The following ANK2 variants were observed in gnomAD, a reference collection of about 807,000 sequenced individuals.
ANK2 encodes the protein ankyrin-2.
In ANK2, 83 loss-of-function variants were observed where a neutral mutation model predicts 360.5. The observed-to-expected ratio is 0.23, with a 90% CI of 0.19 to 0.28. ANK2 has a LOEUF of 0.28. ANK2 is among the 10% of genes least tolerant of loss of function. The pLI is 1.00. For missense variants in ANK2, 4,201 were observed against 4,795.7 expected (o/e 0.88, Z 3.66); for synonymous variants, 1,740 against 1,759.5 (o/e 0.99, Z 0.28).
At chr4:113,010,589 C>G (rs564095390) in intron 2 of ANK2, among the ~76,000 whole-genome samples, 30 of 152,064 alleles carry the variant, frequency 2.0e-4, no homozygotes, top group African/African-American at 7.0e-4. Context: ...AATAAAGAAA[C>G]AAATGAGACC....
At chr4:113,082,139 A>G (rs67235248) in intron 1 of ANK2, among the ~76,000 whole-genome samples, 28,219 of 152,134 alleles carry the variant, frequency 0.19, 3,466 homozygotes, top group Non-Finnish European at 0.28. Context: ...AATTAGTTCT[A>G]TTAATAAGAT....
At chr4:112,784,350 ATTTTTTTTTT>A in the ANK2 span, among the ~76,000 whole-genome samples, 7 of 69,554 alleles carry the variant, frequency 1.0e-4, no homozygotes, top group Middle Eastern at 9.8e-3. Flanking sequence ...ACCCTGACTG[ATTTTTTTTTT>A]TTTTTTTTTT....
chr4:112,706,117 A>G, the ANK2 span, among the ~76,000 whole-genome samples: 1 of 151,368 alleles, frequency 6.6e-6, no homozygotes, highest in Non-Finnish European at 1.5e-5. Flanking sequence ...CGGGCGTGAC[A>G]GGAGGAAGAA....
intron 2 of ANK2, among the ~76,000 whole-genome samples, chr4:113,186,581 TCTCTCTTCTC>T (rs1182550678): frequency 3.1e-4 from 18 of 58,100 alleles, no homozygotes; most frequent in South Asian, 1.5e-3. Context: ...TCTCTCTCTC[TCTCTCTTCTC>T]TCTCTCTCTC....
the ANK2 span, among the ~76,000 whole-genome samples, chr4:112,751,435 C>G: frequency 6.6e-6 from 1 of 152,192 alleles, no homozygotes; most frequent in Non-Finnish European, 1.5e-5. Flanking sequence ...TGAGGTTAGA[C>G]TAAAAGGCGA....
intron 1 of ANK2, among the ~76,000 whole-genome samples, chr4:113,151,880 CAT>C (rs1195237918): frequency 1.5e-5 from 2 of 132,160 alleles, no homozygotes; most frequent in Non-Finnish European, 3.2e-5. Context: ...CCCTGGGAAA[CAT>C]AGTGAAACCC....
rs565409462 is a variant in ANK2 at position 112,832,574 on chromosome 4, A to T, written c.-40+14310A>T. 7.9e-5 allele frequency among the ~76,000 whole-genome samples: 12 copies of T among 152,354 alleles called. No individual in the cohort carries two copies. In the South Asian group the frequency reaches 2.5e-3, roughly 32 times the overall value. ...CCATTCAAATTGTAAAGTTATTTGT[A>T]GAGTAGTGCTGCAGAATTGTAAATG... On this transcript the variant is annotated intron_variant, in intron 1 of 30. Coordinates refer to the ANK2 transcript ENST00000503271.
intron 2 of ANK2, among the ~76,000 whole-genome samples, chr4:113,182,064 G>A (rs28582963): frequency 0.49 from 74,451 of 151,900 alleles, 18,917 homozygotes; most frequent in African/African-American, 0.63. Flanking sequence ...TTACAGTAGA[G>A]CAACAGGCAG....
chr4:113,252,908 G>T lies in ANK2; in HGVS notation c.991-2827G>T, dbSNP rs146664563. Among the ~76,000 whole-genome samples, 202 of 152,296 alleles carry T rather than the reference G, an allele frequency of 1.3e-3. 1 individual carries two copies. The highest frequency in any genetic ancestry group is 4.6e-3 in the African/African-American group (190 of 41,562). On this transcript the variant is annotated intron_variant, in intron 10 of 45. Coordinates refer to ENST00000357077, the MANE Select transcript of ANK2 (RefSeq NM_001148.6). ...TAACCTCAAGTCAGCTGGTAATGCT[G>T]CCTGACAATCTCGCTCTATCTTCTA...
At position 113,381,498 on chromosome 4, in the gene ANK2, T is replaced by C. The variant is rs1235292118; in HGVS notation, c.*27T>C. 9.3e-6 allele frequency: 15 copies of C among 1,613,962 alleles called. No individual in the cohort carries two copies. Among genetic ancestry groups the C allele is most frequent in the East Asian group, 2.2e-5 (1 of 44,866 alleles). ...GCCATCACACAGAAGAGGGCTGTGG[T>C]GAAGGACCAGCATGGAAAACGCATT... On this transcript the variant is annotated 3_prime_UTR_variant, in exon 46 of 46. Coordinates refer to ENST00000357077, the MANE Select transcript of ANK2 (RefSeq NM_001148.6).
intron 2 of ANK2, among the ~76,000 whole-genome samples, chr4:112,928,619 C>T (rs553314952): frequency 3.6e-4 from 55 of 151,988 alleles, no homozygotes; most frequent in African/African-American, 1.2e-3. Context: ...TAATCCAAGA[C>T]GACTGGTGTC....
chr4:113,320,693 C>G (rs1460602236), intron 26 of ANK2, among the ~76,000 whole-genome samples: 1 of 151,900 alleles, frequency 6.6e-6, no homozygotes, highest in Admixed American at 6.6e-5. Context: ...AACTAGTGCC[C>G]AGGCCTCAAC....
At chr4:113,179,244 T>C (rs1433622716) in intron 2 of ANK2, among the ~76,000 whole-genome samples, 1 of 151,998 alleles carries the variant, frequency 6.6e-6, no homozygotes, top group Non-Finnish European at 1.5e-5. Context: ...TAAGCCTGAG[T>C]TTCTAGGGAG....
rs2096346813 is a variant in ANK2, at chr4:113,363,417, G to A, written c.10836G>A (p.Gln3612=). 1 of 1,613,440 alleles carries A rather than the reference G, an allele frequency of 6.2e-7. No homozygotes were observed. The highest frequency in any genetic ancestry group is 8.5e-7 in the Non-Finnish European group (1 of 1,179,682). Residue 3612 remains glutamine (Q), a synonymous_variant, in exon 40 of 46, where the codon CAG becomes CAA. Transcript: ENST00000357077. ...RIENPNSLQD[Q]SHALLKYWLE... is the part of the protein sequence containing the mutation. The stretch of plus-strand genomic sequence containing the variant: ...AAAATCCCAACTCTCTTCAAGACCA[G>A]AGTCATGCACTGTTGAAGTACTGGC...
intron 26 of ANK2, among the ~76,000 whole-genome samples, chr4:113,323,084 G>C (rs1224029563): frequency 6.6e-6 from 1 of 152,140 alleles, no homozygotes; most frequent in Admixed American, 6.5e-5. Flanking sequence ...GGGTTTTACG[G>C]AAGAGCAGAC....
chr4:112,828,450 G>T (rs571129268), intron 1 of ANK2, among the ~76,000 whole-genome samples: 1 of 152,212 alleles, frequency 6.6e-6, no homozygotes, highest in African/African-American at 2.4e-5. Context: ...GGCCAGGCTG[G>T]TGTTGAATTC....
At chr4:113,301,234 T>C (rs1416125517) in intron 22 of ANK2, among the ~76,000 whole-genome samples, 1 of 152,202 alleles carries the variant, frequency 6.6e-6, no homozygotes, top group Non-Finnish European at 1.5e-5. Context: ...AGGTTTGAAT[T>C]TGACACTCAA....
At chr4:113,060,045 C>G (rs2072358664) in intron 1 of ANK2, among the ~76,000 whole-genome samples, 2 of 152,068 alleles carry the variant, frequency 1.3e-5, no homozygotes, top group South Asian at 4.1e-4. Context: ...CTGCGATTAT[C>G]CCAGAGTCAC....
chr4:112,809,283 C>T, the ANK2 span, among the ~76,000 whole-genome samples: 4 of 149,282 alleles, frequency 2.7e-5, no homozygotes, highest in African/African-American at 7.4e-5. Flanking sequence ...AAATAAGGGC[C>T]GGGCGCGGTG....
Sources: allele counts gnomAD v4.1 joint callset (sites outside exome capture counted in the v4.1 genomes callset), GRCh38; gene constraint gnomAD v4.1.1; transcripts MANE v1.5; gene names NCBI Gene and HGNC (gene_info 2026-07-23, HGNC 2026-07-21).